The following NHSL1 variants were observed in gnomAD, a reference collection of about 807,000 sequenced individuals.
NHSL1 encodes NHS like 1, also known as NHS-like protein 1.
Under a neutral mutation model 95.0 loss-of-function variants are expected in NHSL1, and 48 were observed. The observed-to-expected ratio is 0.51, with a 90% CI of 0.40 to 0.64. The LOEUF (loss-of-function observed/expected upper bound fraction) is 0.64, where lower values mean the gene tolerates loss of function less well. Ranked by LOEUF, NHSL1 falls within the 30% of genes least tolerant of loss-of-function variation. The pLI, the probability that NHSL1 is intolerant of heterozygous loss-of-function variation, is 0.00. For synonymous variants in NHSL1, 783 were observed against 833.9 expected, an observed-to-expected ratio of 0.94 and a Z score of 1.05; for missense variants, 1,971 against 2,077.7, an observed-to-expected ratio of 0.95 and a Z score of 1.00.
At chr6:138,650,810 T>C (rs1785082379) in intron 1 of NHSL1, 1 of 542,244 alleles carries the variant, frequency 1.8e-6, no homozygotes, top group Admixed American at 1.9e-5. Flanking sequence ...AGATCTCATC[T>C]ACAGGGAAAG....
chr6:138,622,220 T>C (rs189933023), intron 1 of NHSL1, among the ~76,000 whole-genome samples: 9 of 152,238 alleles, frequency 5.9e-5, no homozygotes, highest in African/African-American at 9.6e-5. Context: ...AATAACCTTT[T>C]GGCCGGGCGT....
chr6:138,604,141 A>G (rs1032062632), intron 1 of NHSL1, among the ~76,000 whole-genome samples: 29 of 152,186 alleles, frequency 1.9e-4, no homozygotes, highest in African/African-American at 6.0e-4. Context: ...AAGTAGCTCT[A>G]AATATTTTTG....
intron 1 of NHSL1, among the ~76,000 whole-genome samples, chr6:138,520,352 G>A (rs1258679313): frequency 1.4e-5 from 2 of 139,032 alleles, no homozygotes; most frequent in African/African-American, 5.4e-5. Flanking sequence ...GCAGTGGTGC[G>A]ATCTTGGCTC....
At chr6:138,435,341 G>A (rs1776004578) in intron 5 of NHSL1, 1 of 152,972 alleles carries the variant, frequency 6.5e-6, no homozygotes, top group Admixed American at 6.6e-5. Flanking sequence ...GTTTTTGCAT[G>A]GAGTTAGTGG....
intron 1 of NHSL1, among the ~76,000 whole-genome samples, chr6:138,569,744 G>C (rs550243507): frequency 2.6e-5 from 4 of 152,300 alleles, no homozygotes; most frequent in Admixed American, 2.6e-4. Flanking sequence ...AGATGTCAAA[G>C]TTGGAAGCCA....
intron 1 of NHSL1, among the ~76,000 whole-genome samples, chr6:138,667,200 A>G (rs930001508): frequency 6.6e-6 from 1 of 152,232 alleles, no homozygotes; most frequent in African/African-American, 2.4e-5. Context: ...GCAAAGGCAA[A>G]GAACTAGAAT....
chr6:138,656,045 T>C (rs992486758), intron 1 of NHSL1, among the ~76,000 whole-genome samples: 3 of 152,226 alleles, frequency 2.0e-5, no homozygotes, highest in Non-Finnish European at 2.9e-5. Flanking sequence ...CAATGGGTCC[T>C]GGACATGCCG....
intron 1 of NHSL1, among the ~76,000 whole-genome samples, chr6:138,566,588 A>T (rs534194141): frequency 3.5e-4 from 47 of 134,878 alleles, no homozygotes; most frequent in Non-Finnish European, 5.3e-4. Flanking sequence ...TTCATAATTT[A>T]AAAAAAAACC....
intron 1 of NHSL1, among the ~76,000 whole-genome samples, chr6:138,674,929 T>C (rs1785429484): frequency 6.6e-6 from 1 of 151,900 alleles, no homozygotes; most frequent in Admixed American, 6.6e-5. Flanking sequence ...GCATCTGTAG[T>C]CCCAGCTACT....
intron 5 of NHSL1, among the ~76,000 whole-genome samples, chr6:138,437,443 C>CAAAA (rs1261680205): frequency 2.4e-5 from 1 of 41,608 alleles, no homozygotes; most frequent in Non-Finnish European, 4.7e-5. Flanking sequence ...CACACACACA[C>CAAAA]ACAAAAAAAA....
intron 1 of NHSL1, among the ~76,000 whole-genome samples, chr6:138,657,708 G>A (rs1471870437): frequency 1.3e-5 from 2 of 151,044 alleles, no homozygotes; most frequent in Non-Finnish European, 3.0e-5. Flanking sequence ...CCAGCTACTC[G>A]GGAGGCAGAG....
intron 4 of NHSL1, among the ~76,000 whole-genome samples, chr6:138,445,549 A>C (rs1776809748): frequency 6.6e-6 from 1 of 152,238 alleles, no homozygotes; most frequent in Admixed American, 6.5e-5. Flanking sequence ...GGAAAAATAT[A>C]TACTGAATTG....
intron 7 of NHSL1, among the ~76,000 whole-genome samples, chr6:138,426,931 C>G (rs985343934): frequency 2.0e-5 from 3 of 152,170 alleles, no homozygotes; most frequent in Admixed American, 2.0e-4. Flanking sequence ...AACTGTAGAG[C>G]TAGAAAAGAC....
upstream of NHSL1, among the ~76,000 whole-genome samples, chr6:138,692,778 C>T (rs1438651737): frequency 6.6e-6 from 1 of 150,694 alleles, no homozygotes; most frequent in African/African-American, 2.4e-5. This position sits in a 1 kb window ranked among gnomAD's most constrained non-coding sequence, Gnocchi z 4.0. Flanking sequence ...GGGGGCGGGC[C>T]GGCGGCGCGG....
rs188461049 is a variant in NHSL1, at chr6:138,670,457, G to A, written c.96+22019C>T. ...CGAGGCGGGCGGATCACGAGGTCAG[G>A]AGATCGAGACCATCCCGGCTAAAAC... On this transcript the variant is annotated intron_variant, in intron 1 of 3. Coordinates refer to the NHSL1 transcript ENST00000491526. Among the ~76,000 whole-genome samples the A allele has an allele frequency of 2.1e-3, 320 of 151,360 alleles. 4 individuals carry two copies. The highest frequency in any genetic ancestry group is 7.3e-3 in the African/African-American group (300 of 41,302).
intron 3 of NHSL1, among the ~76,000 whole-genome samples, chr6:138,457,879 G>A (rs983181550): frequency 6.6e-6 from 1 of 151,948 alleles, no homozygotes; most frequent in Non-Finnish European, 1.5e-5. Flanking sequence ...ATGGTGGCAC[G>A]TGCCTGTGGT....
At chr6:138,453,277 T>C (rs1777360312) in intron 3 of NHSL1, among the ~76,000 whole-genome samples, 3 of 152,128 alleles carry the variant, frequency 2.0e-5, no homozygotes, top group Admixed American at 2.0e-4. Flanking sequence ...CCCAGCCTAA[T>C]TGTTCATTCT....
chr6:138,633,576 A>C (rs1008338292), intron 1 of NHSL1, among the ~76,000 whole-genome samples: 5 of 152,228 alleles, frequency 3.3e-5, no homozygotes, highest in African/African-American at 9.6e-5. Context: ...AGAATAGTAT[A>C]CCTGGTGAAA....
rs1391066982 is a variant in NHSL1, at chr6:138,430,796, G to A, written c.3549C>T (p.Leu1183=). 6.4e-7 allele frequency: 1 copy of A among 1,551,298 alleles called. No individual in the cohort carries two copies. The highest frequency in any genetic ancestry group is 8.7e-7 in the Non-Finnish European group (1 of 1,146,988). ...GCTTCCTGCTGGGTGAAGAGTCTGG[G>A]AGTGGGGTGGTGCTGGGGCTGGGCC... ...EARPSPSTTP[L]PDSSPSRKPP... is the part of the protein sequence containing the mutation. Residue 1183 remains leucine (L), a synonymous_variant, in exon 6 of 8, where the codon CTC becomes CTT. Transcript: ENST00000343505. This position sits in a 1 kb window ranked among gnomAD's most constrained non-coding sequence, Gnocchi z 4.7.
Sources: allele counts gnomAD v4.1 joint callset (sites outside exome capture counted in the v4.1 genomes callset), GRCh38; gene constraint gnomAD v4.1.1; non-coding constraint Gnocchi (gnomAD v3.1); transcripts MANE v1.5; gene names NCBI Gene and HGNC (gene_info 2026-07-23, HGNC 2026-07-21).